Variants in GCN1 observed in about 807,000 individuals in gnomAD.
GCN1 encodes the protein stalled ribosome sensor GCN1.
GCN1 carries 90 observed loss-of-function variants against 288.4 expected under a neutral mutation model. The ratio of observed to expected loss-of-function variants is 0.31; its 90% CI spans 0.26 to 0.37. The LOEUF (loss-of-function observed/expected upper bound fraction) is 0.37. GCN1 is among the 10% of genes least tolerant of loss of function. GCN1 has a pLI of 1.00. For missense variants in GCN1, 2,586 were observed against 3,419.9 expected, an observed-to-expected ratio of 0.76 and a Z score of 6.08; for synonymous variants, 1,386 against 1,420.2, an observed-to-expected ratio of 0.98 and a Z score of 0.54.
rs1877242905 is a variant in GCN1 at position 120,142,830 on chromosome 12, G to T, written c.5607C>A (p.Ser1869=). 6.2e-7 allele frequency: 1 copy of T among 1,609,842 alleles called. No homozygotes were observed. Among genetic ancestry groups the T allele is most frequent in the South Asian group, 1.1e-5 (1 of 91,000 alleles). The change falls in exon 43 of 58, where the codon TCC becomes TCA. Residue 1869 remains serine, a synonymous_variant. Coordinates refer to ENST00000300648, the MANE Select transcript of GCN1 (RefSeq NM_006836.2). The surrounding 1 kb of genome is among the most constrained non-coding windows in gnomAD (Gnocchi z 4.9). ...GGAAAGCCACTGCAGGCACCTTGTTGGACTGGGCAGTTCCAAAGTTATCAT... is the reference window on the plus strand; with the variant it reads ...GGAAAGCCACTGCAGGCACCTTGTTTGACTGGGCAGTTCCAAAGTTATCAT... The part of the protein sequence containing the change: ...SEDDNFGTAQ[S]NKAIITALGV...
chr12:120,157,768 T>C (rs1182318377), intron 26 of GCN1, 81 bp downstream of exon 26: 1 of 1,117,154 alleles, frequency 9.0e-7, no homozygotes, highest in Non-Finnish European at 1.3e-6. Context: ...CCAGGAACTG[T>C]TCATGAGACA....
chr12:120,155,354 C>G lies in GCN1; in HGVS notation c.3517G>C (p.Ala1173Pro), dbSNP rs1461597019. The change falls in exon 30 of 58, where the codon GCG becomes CCG. Residue 1173 changes from alanine (A) to proline (P), a missense_variant. Ala to Pro is a conservative substitution (Grantham distance 27). This residue lies in a region of GCN1 where 332 missense variants were observed against 403.0 expected (regional missense o/e 0.82). Coordinates refer to ENST00000300648, the MANE Select transcript of GCN1 (RefSeq NM_006836.2). The surrounding 1 kb of genome is among the most constrained non-coding windows in gnomAD (Gnocchi z 4.9). ...LLIDDVIYHE[A>P]AVRQAGAEAL... ...TCGGCCCCTGCCTGCCTTACAGCCG[C>G]CTCATGATAGATCACGTCGTCAATC... The G allele has an allele frequency of 6.2e-7, 1 of 1,614,146 alleles. No homozygotes were observed. Among genetic ancestry groups the G allele is most frequent in the African/African-American group, 1.3e-5 (1 of 75,050 alleles).
chr12:120,135,239 C>A (rs1876961589), intron 51 of GCN1, among the ~76,000 whole-genome samples: 1 of 152,210 alleles, frequency 6.6e-6, no homozygotes, highest in South Asian at 2.1e-4. Flanking sequence ...CTTGGAGAAT[C>A]CTCCCTGCAC....
chr12:120,170,281 G>A lies in GCN1; in HGVS notation c.1407C>T (p.Leu469=), dbSNP rs752853903. ...AGGCTGCCTTCTCCACTGTCTGGAT[G>A]AGCAAGGGCAGTAAGTCCAGGGCCT... The part of the protein sequence containing the change: ...LLQALDLLPL[L]IQTVEKAASQ... Residue 469 remains leucine, a synonymous_variant, in exon 15 of 58, where the codon CTC becomes CTT. Coordinates refer to ENST00000300648, the MANE Select transcript of GCN1 (RefSeq NM_006836.2). 7.4e-6 allele frequency: 12 copies of A among 1,614,150 alleles called. No individual in the cohort carries two copies. The Admixed American group carries it at 1.5e-4, about 20-fold the overall frequency.
chr12:120,137,493 T>C lies in GCN1; in HGVS notation c.6663+52A>G. ...TCTTATAAGTCTATTCCTGTAAATG[T>C]CTGGAATTTTCTAAAAGCAAAAGTT... On this transcript the variant is annotated intron_variant, in intron 49 of 57. Transcript: ENST00000300648. This position sits in a 1 kb window ranked among gnomAD's most constrained non-coding sequence, Gnocchi z 5.2. 6.3e-7 allele frequency: 1 copy of C among 1,584,866 alleles called. No individual in the cohort carries two copies. Among genetic ancestry groups the C allele is most frequent in the Non-Finnish European group, 8.6e-7 (1 of 1,156,480 alleles).
At position 120,163,067 on chromosome 12, in the gene GCN1, G is replaced by A. The variant is rs1427737540; in HGVS notation, c.2038+3C>T. ...CTCTCCCACACCCACCGCAGCCACG[G>A]ACCTAAGGATGGGTGGTGGGAGATG... On this transcript the variant is annotated splice_donor_region_variant and intron_variant, in intron 19 of 57. Coordinates refer to ENST00000300648, the MANE Select transcript of GCN1 (RefSeq NM_006836.2). The A allele has an allele frequency of 7.4e-6, 12 of 1,613,876 alleles. No homozygotes were observed. Among genetic ancestry groups the A allele is most frequent in the Non-Finnish European group, 8.5e-6 (10 of 1,179,818 alleles).
At chr12:120,161,381 T>C (rs1021554479) in intron 22 of GCN1, 109 bp downstream of exon 22, 4 of 724,966 alleles carry the variant, frequency 5.5e-6, no homozygotes, top group Non-Finnish European at 5.0e-6. Context: ...GAGTGTGCCA[T>C]GGGCCTCAGG....
rs1877063729 is a variant in GCN1, at chr12:120,137,897, T to C, written c.6393+4A>G. On this transcript the variant is annotated splice_donor_region_variant and intron_variant, in intron 48 of 57. Transcript: ENST00000300648. This position sits in a 1 kb window ranked among gnomAD's most constrained non-coding sequence, Gnocchi z 5.2. The stretch of plus-strand genomic sequence containing the variant: ...GAGAAAGCAGGAGCAGGCTCGCCCC[T>C]TACCAGCTGCTCATCTGGGGTCCCA... 1 of 1,614,124 alleles carries C rather than the reference T, an allele frequency of 6.2e-7. No homozygotes were observed. The highest frequency in any genetic ancestry group is 2.2e-5 in the East Asian group (1 of 44,880).
intron 14 of GCN1, among the ~76,000 whole-genome samples, chr12:120,170,987 C>T (rs1049672076): frequency 1.3e-5 from 2 of 151,702 alleles, no homozygotes; most frequent in African/African-American, 4.8e-5. Flanking sequence ...TGGTGAAACC[C>T]TGTCTTAGCC....
rs771783396 is a variant in GCN1 at position 120,170,326 on chromosome 12, G to A, written c.1367-5C>T. On this transcript the variant is annotated splice_region_variant and splice_polypyrimidine_tract_variant and intron_variant, in intron 14 of 57. Coordinates refer to ENST00000300648, the MANE Select transcript of GCN1 (RefSeq NM_006836.2). ...GGGCCTGCAACAGCGTGTCACCTGT[G>A]GAGAGAGGACAAGCACCTTAAAGGA... is the stretch of plus-strand genomic sequence containing the variant. The A allele has an allele frequency of 3.1e-6, 5 of 1,613,584 alleles. No individual in the cohort carries two copies. In the Admixed American group the frequency reaches 5.0e-5, roughly 16 times the overall value.
chr12:120,159,816 A>C lies in GCN1; in HGVS notation c.2749+9T>G. ...GGGCCATCCCTGCAGCCAGCAAACA[A>C]GGACTAACCCAAAGCCTTGAGCCTA... On this transcript the variant is annotated intron_variant, in intron 24 of 57. Coordinates refer to ENST00000300648, the MANE Select transcript of GCN1 (RefSeq NM_006836.2). 1 of 1,613,380 alleles carries C rather than the reference A, an allele frequency of 6.2e-7. No homozygotes were observed. The highest frequency in any genetic ancestry group is 8.5e-7 in the Non-Finnish European group (1 of 1,179,368).
chr12:120,178,693 C>T lies in GCN1; in HGVS notation c.592G>A (p.Gly198Ser), dbSNP rs577485899. Reference protein sequence around the residue: ...LSLEPNQNYAGMLGLLVQFCT... With the variant: ...LSLEPNQNYASMLGLLVQFCT... ...AACTGCACCAGCAGCCCCAGCATGC[C>T]AGCATAGTTCTGGTTGGGCTCTAGG... Residue 198 changes from glycine (G) to serine (S), a missense_variant, in exon 7 of 58, where the codon GGC becomes AGC. By Grantham distance (56) the Gly-to-Ser change is moderately conservative. Transcript: ENST00000300648. The T allele has an allele frequency of 3.8e-5, 61 of 1,614,150 alleles. No homozygotes were observed. The highest frequency in any genetic ancestry group is 2.7e-4 in the East Asian group (12 of 44,884).
At chr12:120,190,224 CA>C (rs34357352) in intron 2 of GCN1, 73 bp downstream of exon 2, 149,703 of 562,670 alleles carry the variant, frequency 0.27, 2,277 homozygotes, top group East Asian at 0.39. Flanking sequence ...GACTCTGTCT[CA>C]AAAAAAAAAA....
intron 10 of GCN1, 42 bp from the exon 11 acceptor site, chr12:120,175,916 A>G: frequency 2.5e-6 from 4 of 1,582,612 alleles, no homozygotes; most frequent in Non-Finnish European, 3.4e-6. Context: ...CCAACAACTG[A>G]GCATCCAGAC....
At chr12:120,171,932 T>C (rs528463544) in intron 14 of GCN1, among the ~76,000 whole-genome samples, 1 of 152,280 alleles carries the variant, frequency 6.6e-6, no homozygotes, top group South Asian at 2.1e-4. Flanking sequence ...TTGCTATGTT[T>C]CCCTGCCTGA....
intron 46 of GCN1, 117 bp downstream of exon 46, chr12:120,138,578 A>T: frequency 8.9e-7 from 1 of 1,119,630 alleles, no homozygotes; most frequent in Non-Finnish European, 1.3e-6. Flanking sequence ...TGCTATACCC[A>T]CTCCCTCTGG....
At position 120,132,143 on chromosome 12, in the gene GCN1, A is replaced by AG. The variant is rs1326019884; in HGVS notation, c.7318-122dup. On this transcript the variant is annotated intron_variant, in intron 53 of 57. Coordinates refer to ENST00000300648, the MANE Select transcript of GCN1 (RefSeq NM_006836.2). ...ACAAAGAAGGTGGAAAAGCCAACTC[A>AG]GAGACTCAAGATCCAGTCCTTCCTG... 3 of 673,286 alleles carry AG rather than the reference A, an allele frequency of 4.5e-6. No individual in the cohort carries two copies. In the Admixed American group the frequency reaches 6.4e-5, roughly 14 times the overall value. 41.7% of individuals were successfully genotyped at this position (673,286 alleles called of 1,614,324 possible).
At position 120,134,455 on chromosome 12, in the gene GCN1, C is replaced by G. The variant is rs372123561; in HGVS notation, c.7203-50G>C. On this transcript the variant is annotated intron_variant, in intron 52 of 57. Transcript: ENST00000300648. This position sits in a 1 kb window ranked among gnomAD's most constrained non-coding sequence, Gnocchi z 5.0. Reference sequence around the variant, plus strand: ...AGCCCTGGGTGCCTCCACCACCACCCCTCCTGCCAGCGCAGGCTCGGCCCA... The same window carrying G: ...AGCCCTGGGTGCCTCCACCACCACCGCTCCTGCCAGCGCAGGCTCGGCCCA... 1 of 1,591,144 alleles carries G rather than the reference C, an allele frequency of 6.3e-7. No homozygotes were observed. The highest frequency in any genetic ancestry group is 8.6e-7 in the Non-Finnish European group (1 of 1,159,620).
At position 120,176,140 on chromosome 12, in the gene GCN1, C is replaced by T. The variant is rs745419261; in HGVS notation, c.913+3G>A. On this transcript the variant is annotated splice_donor_region_variant and intron_variant, in intron 10 of 57. Transcript: ENST00000300648. Reference sequence around the variant, plus strand: ...TGGGCTGGAGAGGGGCTGGGATACTCACCAGCCAGTCCTTTCACGATGTCC... The same window carrying T: ...TGGGCTGGAGAGGGGCTGGGATACTTACCAGCCAGTCCTTTCACGATGTCC... 6.3e-7 allele frequency: 1 copy of T among 1,593,958 alleles called. No homozygotes were observed. Among genetic ancestry groups the T allele is most frequent in the East Asian group, 2.2e-5 (1 of 44,808 alleles).
Sources: allele counts gnomAD v4.1 joint callset (sites outside exome capture counted in the v4.1 genomes callset), GRCh38; gene constraint gnomAD v4.1.1; regional missense constraint gnomAD v4.1.1; non-coding constraint Gnocchi (gnomAD v3.1); transcripts MANE v1.5; gene names NCBI Gene and HGNC (gene_info 2026-07-23, HGNC 2026-07-21).